Variants in NPLOC4 observed in about 807,000 individuals in gnomAD.
NPLOC4 encodes the protein nuclear protein localization protein 4 homolog.
Under a neutral mutation model 80.6 loss-of-function variants are expected in NPLOC4, and 18 were observed. The ratio of observed to expected loss-of-function variants is 0.22; its 90% CI spans 0.15 to 0.33. The LOEUF is 0.33. Among genes scored for constraint, NPLOC4 ranks in the 10% least tolerant of loss-of-function variants. The pLI, the probability that NPLOC4 is intolerant of heterozygous loss-of-function variation, is 1.00. For synonymous variants in NPLOC4, 313 were observed against 301.5 expected, an observed-to-expected ratio of 1.04 and a Z score of -0.39; for missense variants, 540 against 786.1, an observed-to-expected ratio of 0.69 and a Z score of 3.74.
intron 14 of NPLOC4, among the ~76,000 whole-genome samples, chr17:81,568,290 G>T (rs546280926): frequency 6.6e-6 from 1 of 152,138 alleles, no homozygotes; most frequent in African/African-American, 2.4e-5. Flanking sequence ...GATGCAGCAC[G>T]GACATCTTCA....
At chr17:81,582,173 C>G (rs986381091) in intron 12 of NPLOC4, among the ~76,000 whole-genome samples, 1 of 152,238 alleles carries the variant, frequency 6.6e-6, no homozygotes, top group African/African-American at 2.4e-5. Context: ...GGAGCCCAAG[C>G]TGAGGCCCAG....
intron 1 of NPLOC4, among the ~76,000 whole-genome samples, chr17:81,632,614 T>C (rs1480864225): frequency 2.0e-5 from 3 of 152,090 alleles, no homozygotes; most frequent in Non-Finnish European, 4.4e-5. Flanking sequence ...ACACCCGGCC[T>C]CCCTTATTTC....
At chr17:81,607,393 CAA>C (rs1158799161) in intron 6 of NPLOC4, among the ~76,000 whole-genome samples, 11 of 77,798 alleles carry the variant, frequency 1.4e-4, no homozygotes, top group Admixed American at 4.1e-4. Context: ...ATATAACTGA[CAA>C]AAAAAAAAAA....
At chr17:81,585,408 A>G (rs1480708576) in intron 12 of NPLOC4, among the ~76,000 whole-genome samples, 1 of 152,112 alleles carries the variant, frequency 6.6e-6, no homozygotes, top group Non-Finnish European at 1.5e-5. Context: ...TCACGCCTGT[A>G]ATCCCAGCAC....
intron 1 of NPLOC4, among the ~76,000 whole-genome samples, chr17:81,633,720 C>A (rs565990205): frequency 1.3e-5 from 2 of 152,170 alleles, no homozygotes; most frequent in Admixed American, 6.5e-5. Context: ...TTTTCTCCCC[C>A]CAAGACAGAG....
In NPLOC4 at chr17:81,572,170, T is replaced by TA. The variant is rs2034178150; in HGVS notation, c.1282-83dup. The TA allele has an allele frequency of 3.7e-4, 232 of 634,388 alleles. No individual in the cohort carries two copies. In the Middle Eastern group the frequency reaches 4.3e-3, roughly 12 times the overall value. The allele number at this position is 634,388 out of a possible 1,614,324, so 39.3% of individuals were successfully genotyped here. A position where few individuals can be genotyped will look rare whatever the true frequency, so the allele number is the denominator to read the frequency against. ...CCTTTCACATGCTTGTCTCACCTTT[T>TA]ATTTAATTAATTAATTTATTTATTT... is the stretch of plus-strand genomic sequence containing the variant. On this transcript the variant is annotated intron_variant, in intron 12 of 16. Coordinates refer to ENST00000331134, the MANE Select transcript of NPLOC4 (RefSeq NM_017921.4). This position sits in a 1 kb window ranked among gnomAD's most constrained non-coding sequence, Gnocchi z 4.5.
rs527641088 is a variant in NPLOC4, at chr17:81,574,589, C to T, written c.1282-2501G>A. ...TCAGCAGCTTTATCTCCACCTGGAGCGAGGCACCAGGAGGTCGGAGGTTGT... is the reference window on the plus strand; with the variant it reads ...TCAGCAGCTTTATCTCCACCTGGAGTGAGGCACCAGGAGGTCGGAGGTTGT... On this transcript the variant is annotated intron_variant, in intron 12 of 16. Coordinates refer to ENST00000331134, the MANE Select transcript of NPLOC4 (RefSeq NM_017921.4). 3.9e-5 allele frequency among the ~76,000 whole-genome samples: 6 copies of T among 152,296 alleles called. No individual in the cohort carries two copies. In the South Asian group the frequency reaches 1.2e-3, roughly 32 times the overall value.
At chr17:81,606,657 G>C (rs2035211545) in intron 7 of NPLOC4, 34 bp downstream of exon 7, 1 of 1,597,102 alleles carries the variant, frequency 6.3e-7, no homozygotes, top group African/African-American at 1.3e-5. Flanking sequence ...TCTCAGCCAT[G>C]AAAACAAATC....
intron 16 of NPLOC4, chr17:81,564,420 A>G (rs946766412): frequency 1.3e-5 from 2 of 152,790 alleles, no homozygotes. Context: ...CGATTGTGCA[A>G]CTGCACTCCA....
chr17:81,615,233 G>C (rs2144263577), intron 3 of NPLOC4, among the ~76,000 whole-genome samples: 1 of 151,552 alleles, frequency 6.6e-6, no homozygotes, highest in East Asian at 1.9e-4. Flanking sequence ...CCAAGTAGCT[G>C]GGATTACAGA....
chr17:81,587,342 G>A (rs1015649726), intron 12 of NPLOC4, among the ~76,000 whole-genome samples: 7 of 151,932 alleles, frequency 4.6e-5, no homozygotes, highest in African/African-American at 1.7e-4. Flanking sequence ...TTGAGACGGA[G>A]TCTTGCTCTG....
chr17:81,560,240 A>G (rs1568111283), intron 16 of NPLOC4, among the ~76,000 whole-genome samples: 1 of 151,406 alleles, frequency 6.6e-6, no homozygotes. Flanking sequence ...CAACATGGCG[A>G]AACCCGGTCT....
At chr17:81,597,649 GGC>G (rs2034949338) in intron 9 of NPLOC4, among the ~76,000 whole-genome samples, 1 of 152,046 alleles carries the variant, frequency 6.6e-6, no homozygotes, top group Non-Finnish European at 1.5e-5. Context: ...TTGGGGTGGT[GGC>G]GCATGCCTGT....
intron 11 of NPLOC4, among the ~76,000 whole-genome samples, chr17:81,592,495 T>C (rs1293791212): frequency 6.6e-6 from 1 of 152,162 alleles, no homozygotes; most frequent in Admixed American, 6.5e-5. Flanking sequence ...AATTAGGTTA[T>C]TTATTATCTC....
At chr17:81,614,441 C>T (rs2035426602) in intron 3 of NPLOC4, 1 of 152,192 alleles carries the variant, frequency 6.6e-6, no homozygotes, top group Non-Finnish European at 1.5e-5. Context: ...GCCACTCCTC[C>T]CACAATGACA....
intron 4 of NPLOC4, among the ~76,000 whole-genome samples, chr17:81,611,829 G>A (rs537744329): frequency 4.3e-4 from 65 of 151,434 alleles, no homozygotes; most frequent in African/African-American, 1.1e-3. Flanking sequence ...GCGTGGTGGC[G>A]GGCGCCTGTA....
chr17:81,571,602 G>A (rs1598622057), intron 13 of NPLOC4, among the ~76,000 whole-genome samples: 1 of 152,308 alleles, frequency 6.6e-6, no homozygotes, highest in East Asian at 1.9e-4. Flanking sequence ...ACCTGCACGT[G>A]CAGGACAGCT....
intron 9 of NPLOC4, 98 bp from the exon 10 acceptor site, chr17:81,597,414 G>T: frequency 2.2e-6 from 2 of 890,360 alleles, no homozygotes; most frequent in Non-Finnish European, 3.7e-6. Context: ...ACTTTGAGAG[G>T]CCGAGGCAGG....
At chr17:81,630,337 G>C (rs1054385201) in intron 1 of NPLOC4, among the ~76,000 whole-genome samples, 1 of 151,970 alleles carries the variant, frequency 6.6e-6, no homozygotes, top group Non-Finnish European at 1.5e-5. Context: ...ACCCAGGCTG[G>C]AGTGCAGTGG....
Sources: allele counts gnomAD v4.1 joint callset (sites outside exome capture counted in the v4.1 genomes callset), GRCh38; gene constraint gnomAD v4.1.1; non-coding constraint Gnocchi (gnomAD v3.1); transcripts MANE v1.5; gene names NCBI Gene and HGNC (gene_info 2026-07-23, HGNC 2026-07-21).